Variants in SRRM4 observed in about 807,000 individuals in gnomAD.
SRRM4 encodes serine/arginine repetitive matrix 4, also known as serine/arginine repetitive matrix protein 4.
SRRM4 carries 33 observed loss-of-function variants against 68.9 expected under a neutral mutation model. The observed-to-expected ratio is 0.48, with a 90% confidence interval of 0.36 to 0.64. SRRM4 has a LOEUF of 0.64. SRRM4 is among the 30% of genes least tolerant of loss of function. The pLI, the probability that SRRM4 is intolerant of heterozygous loss-of-function variation, is 0.00. For missense variants in SRRM4, 817 were observed against 827.1 expected (o/e 0.99, Z 0.15); for synonymous variants, 318 against 318.8 (o/e 1.00, Z 0.03).
At chr12:119,122,296 A>AAGGCAGGAAGGCAGGAAGGCAGGAAGGC (rs1397501470) in intron 6 of SRRM4, among the ~76,000 whole-genome samples, 176 bp downstream of exon 6, 6 of 89,144 alleles carry the variant, frequency 6.7e-5, no homozygotes, top group South Asian at 3.8e-4. Context: ...GGAAGGCAGG[A>AAGGCAGGAAGGCAGGAAGGCAGGAAGGC]AGGAAGGAAG....
chr12:119,154,508 G>A lies in SRRM4; in HGVS notation c.1532+125G>A. 9.1e-7 allele frequency: 1 copy of A among 1,097,878 alleles called. No homozygotes were observed. The highest frequency in any genetic ancestry group is 1.3e-6 in the Non-Finnish European group (1 of 767,784). 68.0% of individuals were successfully genotyped at this position (1,097,878 alleles called of 1,614,324 possible). ...GGATTTAGGATTGTGCGAGCTTATG[G>A]TCCCCCCAACCCCAACATCATTGAA... is the stretch of plus-strand genomic sequence containing the variant. On this transcript the variant is annotated intron_variant, in intron 12 of 12. Transcript: ENST00000267260. The surrounding 1 kb of genome is among the most constrained non-coding windows in gnomAD (Gnocchi z 4.7).
intron 5 of SRRM4, among the ~76,000 whole-genome samples, chr12:119,121,579 C>T (rs1954219511): frequency 6.6e-6 from 1 of 152,194 alleles, no homozygotes; most frequent in South Asian, 2.1e-4. Flanking sequence ...AGCATGGGCT[C>T]TGGGGATCCA....
At chr12:119,020,807 A>G (rs1023041208) in intron 1 of SRRM4, among the ~76,000 whole-genome samples, 4 of 152,200 alleles carry the variant, frequency 2.6e-5, no homozygotes, top group Admixed American at 2.6e-4. Context: ...TGGGGAAATA[A>G]AGAGGATTTT....
At chr12:119,120,099 C>T in intron 4 of SRRM4, 151 bp from the exon 5 acceptor site, 2 of 522,856 alleles carry the variant, frequency 3.8e-6, no homozygotes, top group Non-Finnish European at 3.4e-6. Flanking sequence ...TTACGTTTTC[C>T]CCTCCCTCCC....
At chr12:119,098,730 A>C (rs1030066443) in intron 1 of SRRM4, among the ~76,000 whole-genome samples, 4 of 152,192 alleles carry the variant, frequency 2.6e-5, no homozygotes, top group Non-Finnish European at 5.9e-5. Flanking sequence ...TGTTGACGCC[A>C]TCCTTCCAGT....
chr12:119,145,465 G>C lies in SRRM4; in HGVS notation c.856G>C (p.Asp286His). The C allele has an allele frequency of 6.2e-7, 1 of 1,610,174 alleles. No homozygotes were observed. The highest frequency in any genetic ancestry group is 8.5e-7 in the Non-Finnish European group (1 of 1,178,340). Reference protein sequence around the residue: ...TTSRGRSQEYDSGNDTSSPPS... With the variant: ...TTSRGRSQEYHSGNDTSSPPS... Reference sequence around the variant, plus strand: ...CTCGCGAGGACGTTCCCAGGAGTACGACTCAGGAAATGACACGTCCTCGCC... The same window carrying C: ...CTCGCGAGGACGTTCCCAGGAGTACCACTCAGGAAATGACACGTCCTCGCC... Residue 286 changes from aspartate to histidine, a missense_variant, in exon 9 of 13, where the codon GAC (aspartate) becomes CAC (histidine). Transcript: ENST00000267260.
At chr12:119,067,443 A>T (rs933943457) in intron 1 of SRRM4, among the ~76,000 whole-genome samples, 13 of 152,198 alleles carry the variant, frequency 8.5e-5, no homozygotes, top group Admixed American at 2.6e-4. Context: ...GCAGTGTTTC[A>T]TGCCTGTAAT....
rs55883419 is a variant in SRRM4 at position 119,137,587 on chromosome 12, G to GGAGAGAGA, written c.771+6793_771+6800dup. 6.3e-4 allele frequency among the ~76,000 whole-genome samples: 75 copies of GGAGAGAGA among 119,184 alleles called. 1 individual carries two copies. Among genetic ancestry groups the GGAGAGAGA allele is most frequent in the African/African-American group, 2.1e-3 (57 of 27,196 alleles). 78.2% of individuals were successfully genotyped at this position (119,184 alleles called of 152,430 possible). A position where few individuals can be genotyped will look rare whatever the true frequency, so the allele number is the denominator to read the frequency against. On this transcript the variant is annotated intron_variant, in intron 8 of 12. Transcript: ENST00000267260. ...AAGGAGATGAGGCGAGGTTTGGAGT[G>GGAGAGAGA]GAGAGAGAGAGAGAGAGAGAGAGAG...
chr12:119,151,681 G>A (rs948363413), intron 10 of SRRM4, among the ~76,000 whole-genome samples: 4 of 152,068 alleles, frequency 2.6e-5, no homozygotes, highest in Admixed American at 1.3e-4. Flanking sequence ...TCACTCATAC[G>A]CCTTTGATTG....
intron 1 of SRRM4, among the ~76,000 whole-genome samples, chr12:119,048,247 A>G (rs1351891798): frequency 1.3e-5 from 2 of 152,222 alleles, no homozygotes; most frequent in Non-Finnish European, 2.9e-5. Context: ...GGTAAAGCCA[A>G]GACCCAGCTC....
chr12:119,120,541 T>G (rs944294756), intron 5 of SRRM4, among the ~76,000 whole-genome samples: 9 of 151,384 alleles, frequency 5.9e-5, no homozygotes, highest in Non-Finnish European at 1.3e-4. Flanking sequence ...TTACTACCCC[T>G]GCCACTGGTT....
intron 1 of SRRM4, among the ~76,000 whole-genome samples, chr12:119,085,871 G>A (rs943119410): frequency 6.6e-6 from 1 of 152,066 alleles, no homozygotes; most frequent in African/African-American, 2.4e-5. Context: ...AGGATGGAGG[G>A]TGGTGGCCAG....
In SRRM4 at chr12:119,156,789, G is replaced by A. The variant is rs1368980215; in HGVS notation, c.1827G>A (p.Thr609=). ...SYSSADSYSS[T]RR is the part of the protein sequence containing the mutation. ...GCTCAGCAGACAGCTACTCCAGCAC[G>A]AGGCGCTAAGTGCCCCTGAGCCAGC... The change falls in exon 13 of 13, where the codon ACG becomes ACA. Residue 609 remains threonine, a synonymous_variant. Coordinates refer to ENST00000267260, the MANE Select transcript of SRRM4 (RefSeq NM_194286.4). 3.3e-6 allele frequency: 5 copies of A among 1,530,958 alleles called. No homozygotes were observed. The highest frequency in any genetic ancestry group is 4.9e-5 in the East Asian group (2 of 40,626). The allele number at this position is 1,530,958 out of a possible 1,614,324, so 94.8% of individuals were successfully genotyped here. A position where few individuals can be genotyped will look rare whatever the true frequency, so the allele number is the denominator to read the frequency against.
At chr12:119,093,318 A>C (rs1445380443) in intron 1 of SRRM4, among the ~76,000 whole-genome samples, 1 of 152,226 alleles carries the variant, frequency 6.6e-6, no homozygotes, top group African/African-American at 2.4e-5. Context: ...TGTTGAATGA[A>C]GAATAAGTGA....
At chr12:119,049,194 C>A (rs980721122) in intron 1 of SRRM4, among the ~76,000 whole-genome samples, 1 of 152,120 alleles carries the variant, frequency 6.6e-6, no homozygotes, top group African/African-American at 2.4e-5. Flanking sequence ...GGACAGGTGT[C>A]CCAGGTTGTT....
chr12:119,015,383 C>T (rs543860096), intron 1 of SRRM4, among the ~76,000 whole-genome samples: 7 of 152,268 alleles, frequency 4.6e-5, no homozygotes, highest in South Asian at 2.1e-4. Context: ...CTCCAAGCTG[C>T]GCTGCATGCA....
At chr12:119,123,651 G>T (rs1279393934) in intron 6 of SRRM4, among the ~76,000 whole-genome samples, 1 of 152,128 alleles carries the variant, frequency 6.6e-6, no homozygotes, top group Non-Finnish European at 1.5e-5. Context: ...AGAGAAAAAA[G>T]ACAAGAAGAA....
chr12:119,126,416 T>C (rs899971443), intron 7 of SRRM4, among the ~76,000 whole-genome samples: 3 of 152,158 alleles, frequency 2.0e-5, no homozygotes, highest in African/African-American at 4.8e-5. Context: ...ATGAGAAAAC[T>C]GAGGCATGGG....
chr12:119,119,516 C>G, intron 4 of SRRM4, among the ~76,000 whole-genome samples: 1 of 151,568 alleles, frequency 6.6e-6, no homozygotes, highest in East Asian at 2.0e-4. Flanking sequence ...GAGAAGACGG[C>G]CTCCAACTGG....
Sources: allele counts gnomAD v4.1 joint callset (sites outside exome capture counted in the v4.1 genomes callset), GRCh38; gene constraint gnomAD v4.1.1; non-coding constraint Gnocchi (gnomAD v3.1); transcripts MANE v1.5; gene names NCBI Gene and HGNC (gene_info 2026-07-23, HGNC 2026-07-21).